Variants in ITGA8 observed in about 807,000 individuals in gnomAD.
ITGA8 encodes integrin subunit alpha 8.
ITGA8 carries 91 observed loss-of-function variants against 142.3 expected under a neutral mutation model. That is an observed-to-expected ratio of 0.64 (90% CI 0.54 to 0.76). ITGA8 has a LOEUF of 0.76. ITGA8 is among the 30% of genes least tolerant of loss of function. The probability of loss-of-function intolerance (pLI) is 0.00; values close to 1 mark genes in which losing one functional copy is unlikely to be tolerated. For missense variants in ITGA8, 1,406 were observed against 1,327.7 expected (o/e 1.06, Z -0.92); for synonymous variants, 505 against 485.2 (o/e 1.04, Z -0.54).
intron 13 of ITGA8, among the ~76,000 whole-genome samples, chr10:15,618,168 C>T (rs932308512): frequency 2.6e-5 from 4 of 152,098 alleles, no homozygotes; most frequent in Non-Finnish European, 5.9e-5. Context: ...GAAGCCTAAA[C>T]CCCTTTATGC....
intron 13 of ITGA8, among the ~76,000 whole-genome samples, chr10:15,636,813 C>T (rs753182945): frequency 6.6e-6 from 1 of 152,156 alleles, no homozygotes; most frequent in African/African-American, 2.4e-5. Context: ...GAGGGAGCAG[C>T]GTGTTCCTTT....
intron 11 of ITGA8, 26 bp from the exon 12 acceptor site, chr10:15,647,077 A>C: frequency 2.4e-4 from 364 of 1,535,954 alleles, no homozygotes; most frequent in Non-Finnish European, 3.1e-4. Flanking sequence ...AAAGCAGCTC[A>C]GCACGCTAGC....
chr10:15,660,116 A>T (rs1017066910), intron 9 of ITGA8, among the ~76,000 whole-genome samples: 1 of 152,212 alleles, frequency 6.6e-6, no homozygotes, highest in Non-Finnish European at 1.5e-5. Context: ...TTTCTATTGT[A>T]TGAGGCGTAT....
In ITGA8 at chr10:15,558,082, T is replaced by C. The variant is rs777250717; in HGVS notation, c.2758A>G (p.Lys920Glu). ...ACACTGGGATAACTCACCAGTATTT[T>C]TGCAGGGCTCTGTCTGTGGAATTCG... is the stretch of plus-strand genomic sequence containing the variant. ...VVEFHRQSPAKILNCTNIECL... is the reference protein window; with the variant it reads ...VVEFHRQSPAEILNCTNIECL... Residue 920 changes from lysine (K) to glutamate (E), a missense_variant, in exon 26 of 30, where the codon AAA becomes GAA. By Grantham distance (56) the Lys-to-Glu change is moderately conservative. Coordinates refer to ENST00000378076, the MANE Select transcript of ITGA8 (RefSeq NM_003638.3). 3 of 1,614,028 alleles carry C rather than the reference T, an allele frequency of 1.9e-6. No individual in the cohort carries two copies. The highest frequency in any genetic ancestry group is 2.2e-5 in the East Asian group (1 of 44,876).
At chr10:15,612,212 C>G (rs1322972531) in intron 15 of ITGA8, among the ~76,000 whole-genome samples, 4 of 152,176 alleles carry the variant, frequency 2.6e-5, no homozygotes, top group Non-Finnish European at 5.9e-5. Context: ...CACTCCCCAG[C>G]TCCCAGCAAT....
intron 13 of ITGA8, among the ~76,000 whole-genome samples, chr10:15,639,711 T>A (rs1833836604): frequency 6.6e-6 from 1 of 152,258 alleles, no homozygotes; most frequent in African/African-American, 2.4e-5. Flanking sequence ...CCCAAAGTAC[T>A]GCACACCAGA....
At chr10:15,623,546 T>G (rs1047582607) in intron 13 of ITGA8, among the ~76,000 whole-genome samples, 1 of 151,954 alleles carries the variant, frequency 6.6e-6, no homozygotes, top group African/African-American at 2.4e-5. Context: ...ATTAGCCTGG[T>G]GTGGTGGCAG....
chr10:15,528,647 C>T (rs539939644), intron 28 of ITGA8, among the ~76,000 whole-genome samples: 1 of 152,074 alleles, frequency 6.6e-6, no homozygotes, highest in East Asian at 1.9e-4. Context: ...AGATGCAATC[C>T]TGTGGATGGA....
chr10:15,710,647 G>A (rs1478004270), intron 2 of ITGA8, among the ~76,000 whole-genome samples: 1 of 152,206 alleles, frequency 6.6e-6, no homozygotes, highest in East Asian at 1.9e-4. Flanking sequence ...GCTGTACTGT[G>A]CTGTGTGGCA....
intron 29 of ITGA8, 133 bp from the exon 30 acceptor site, chr10:15,517,377 T>C (rs1832983770): frequency 3.9e-6 from 2 of 513,316 alleles, no homozygotes; most frequent in Non-Finnish European, 6.8e-6. Flanking sequence ...CAGGCTGGAG[T>C]ACAGTGGCGT....
chr10:15,684,522 A>G (rs561487080), intron 3 of ITGA8, among the ~76,000 whole-genome samples: 1 of 152,058 alleles, frequency 6.6e-6, no homozygotes, highest in East Asian at 1.9e-4. Context: ...ACACACCACC[A>G]TGCCTGGCTA....
chr10:15,527,792 T>C (rs1833203607), intron 28 of ITGA8, among the ~76,000 whole-genome samples: 1 of 151,744 alleles, frequency 6.6e-6, no homozygotes, highest in Non-Finnish European at 1.5e-5. Context: ...AGTCTCATTA[T>C]AGAAGAAGGA....
chr10:15,691,223 C>T (rs754337396), intron 2 of ITGA8, among the ~76,000 whole-genome samples: 1 of 151,968 alleles, frequency 6.6e-6, no homozygotes, highest in African/African-American at 2.4e-5. Context: ...AGAAAGGGAC[C>T]CCTAGCATAC....
rs996500618 is a variant in ITGA8 at position 15,515,270 on chromosome 10, G to T, written c.*1888C>A. 8 of 152,210 alleles carry T rather than the reference G, an allele frequency of 5.3e-5. No individual in the cohort carries two copies. Among genetic ancestry groups the T allele is most frequent in the African/African-American group, 1.9e-4 (8 of 41,430 alleles). 9.4% of individuals were successfully genotyped at this position (152,210 alleles called of 1,614,324 possible). A position where few individuals can be genotyped will look rare whatever the true frequency, so the allele number is the denominator to read the frequency against. ...CCCTTAATTCTTTGAGGCAACTTCA[G>T]TGCTCATCCGTAGTCAGCCACACAA... On this transcript the variant is annotated 3_prime_UTR_variant, in exon 30 of 30. Transcript: ENST00000378076.
At chr10:15,523,994 C>T (rs184373441) in intron 28 of ITGA8, among the ~76,000 whole-genome samples, 78 of 152,220 alleles carry the variant, frequency 5.1e-4, no homozygotes, top group African/African-American at 1.8e-3. Flanking sequence ...CAGGATTATG[C>T]ATATGATATG....
At chr10:15,679,357 C>A (rs371428281) in intron 4 of ITGA8, among the ~76,000 whole-genome samples, 1 of 152,048 alleles carries the variant, frequency 6.6e-6, no homozygotes, top group Non-Finnish European at 1.5e-5. Flanking sequence ...GGCCAAGGTG[C>A]GCAGATCATG....
intron 13 of ITGA8, among the ~76,000 whole-genome samples, chr10:15,622,357 TTC>T (rs1295533162): frequency 3.9e-5 from 3 of 76,328 alleles, no homozygotes; most frequent in East Asian, 4.4e-4. Flanking sequence ...ATTGGACATC[TTC>T]TTTTTTTTGG....
At chr10:15,557,198 T>C (rs1341128960) in intron 26 of ITGA8, among the ~76,000 whole-genome samples, 1 of 151,956 alleles carries the variant, frequency 6.6e-6, no homozygotes, top group African/African-American at 2.4e-5. Flanking sequence ...CTGGCCAACA[T>C]AGTGAAACCT....
intron 29 of ITGA8, 75 bp downstream of exon 29, chr10:15,519,215 A>G: frequency 6.5e-7 from 1 of 1,545,980 alleles, no homozygotes. Context: ...GTCTTTTAAA[A>G]TCCCTAACTG....
Sources: gnomAD v4.1 joint callset for allele counts (sites outside exome capture counted in the v4.1 genomes callset) on GRCh38, gnomAD v4.1.1 for gene constraint, MANE v1.5 for transcripts, NCBI Gene and HGNC (gene_info 2026-07-23, HGNC 2026-07-21) for gene names.